LONRF1: variants seen among roughly 807,000 people sequenced by gnomAD.
LONRF1 encodes the protein LON peptidase N-terminal domain and ring finger 1.
In LONRF1, 37 loss-of-function variants were observed where a neutral mutation model predicts 85.8. The ratio of observed to expected loss-of-function variants is 0.43; its 90% CI spans 0.33 to 0.57. The LOEUF is 0.57. LONRF1 is among the 20% of genes least tolerant of loss of function. The pLI, the probability that LONRF1 is intolerant of heterozygous loss-of-function variation, is 0.04. For missense variants in LONRF1, 1,036 were observed against 978.0 expected (o/e 1.06, Z -0.79); for synonymous variants, 517 against 390.1 (o/e 1.33, Z -3.83).
Position 12,755,413 on chromosome 8 carries a change from G to A in LONRF1, c.8C>T (p.Ser3Phe), listed in dbSNP as rs1489752711. 5 of 1,156,212 alleles carry A rather than the reference G, an allele frequency of 4.3e-6. No individual in the cohort carries two copies. In the East Asian group the frequency reaches 1.7e-4, roughly 39 times the overall value. The allele number at this position is 1,156,212 out of a possible 1,614,324, so 71.6% of individuals were successfully genotyped here. Residue 3 changes from serine (S) to phenylalanine (F), a missense_variant, in exon 1 of 12, where the codon TCT (serine) becomes TTT (phenylalanine). This residue lies in a region of LONRF1 where 742 missense variants were observed against 614.4 expected (regional missense o/e 1.21). Transcript: ENST00000398246. MS[S>F]PAVARTSPGG... ...TGGGGAGGTCCTCGCCACCGCCGGAGAGGACATGGCCCGCGGAGGGCTGCG... is the reference window on the plus strand; with the variant it reads ...TGGGGAGGTCCTCGCCACCGCCGGAAAGGACATGGCCCGCGGAGGGCTGCG...
At chr8:12,725,922 C>G (rs549866534) in intron 10 of LONRF1, 43 bp from the exon 11 acceptor site, 1 of 1,567,476 alleles carries the variant, frequency 6.4e-7, no homozygotes, top group South Asian at 1.1e-5. Context: ...TCTAATCCCC[C>G]GTCCATATGC....
At chr8:12,739,010 A>G (rs1798827608) in intron 3 of LONRF1, among the ~76,000 whole-genome samples, 1 of 152,188 alleles carries the variant, frequency 6.6e-6, no homozygotes, top group Non-Finnish European at 1.5e-5. Flanking sequence ...GTAGGTGCTC[A>G]AATACTCCAT....
intron 6 of LONRF1, 34 bp downstream of exon 6, chr8:12,736,667 A>G (rs1335067395): frequency 1.4e-6 from 2 of 1,400,282 alleles, no homozygotes; most frequent in African/African-American, 1.4e-5. Flanking sequence ...ACTAACATAA[A>G]ATATTCATCT....
intron 10 of LONRF1, among the ~76,000 whole-genome samples, chr8:12,728,339 A>G (rs144435512): frequency 6.6e-6 from 1 of 152,318 alleles, no homozygotes; most frequent in Non-Finnish European, 1.5e-5. Context: ...GTACACTGGC[A>G]GTGCTTTCTA....
intron 1 of LONRF1, among the ~76,000 whole-genome samples, chr8:12,744,476 ATAAGAAT>A (rs1241906596): frequency 6.6e-6 from 1 of 152,224 alleles, no homozygotes. Context: ...AACAAAATGC[ATAAGAAT>A]TAAAAGTTCA....
Position 12,737,097 on chromosome 8 carries a change from C to G in LONRF1, c.1157G>C (p.Ser386Thr). 7 of 1,613,540 alleles carry G rather than the reference C, an allele frequency of 4.3e-6. No individual in the cohort carries two copies. Among genetic ancestry groups the G allele is most frequent in the Non-Finnish European group, 5.9e-6 (7 of 1,179,640 alleles). ...PEVTSEPVKG[S>T]LNRAQSAQSI... ...CTGTGCTGACTGAGCACGGTTTAAGCTTCCTTTGACAGGCTCTGAAGTGAC... is the reference window on the plus strand; with the variant it reads ...CTGTGCTGACTGAGCACGGTTTAAGGTTCCTTTGACAGGCTCTGAAGTGAC... The change falls in exon 5 of 12, where the codon AGC becomes ACC. Residue 386 changes from serine (S) to threonine (T), a missense_variant. Coordinates refer to ENST00000398246, the MANE Select transcript of LONRF1 (RefSeq NM_152271.5).
At chr8:12,751,090 G>A (rs758851359) in intron 1 of LONRF1, among the ~76,000 whole-genome samples, 19 of 152,070 alleles carry the variant, frequency 1.2e-4, no homozygotes, top group Admixed American at 1.1e-3. Context: ...CGAGGGCTGC[G>A]TCAGGATTGG....
intron 8 of LONRF1, 99 bp downstream of exon 8, chr8:12,731,637 G>A: frequency 1.0e-6 from 1 of 995,876 alleles, no homozygotes; most frequent in Non-Finnish European, 1.5e-6. Flanking sequence ...TTCTTGACTA[G>A]ACTGAGATGA....
At position 12,754,324 on chromosome 8, in the gene LONRF1, G is replaced by A. The variant is rs538464933; in HGVS notation, c.721+376C>T. 844 of 170,756 alleles carry A rather than the reference G, an allele frequency of 4.9e-3. 4 individuals are homozygous for A. The highest frequency in any genetic ancestry group is 8.6e-3 in the Admixed American group (135 of 15,766). The allele number at this position is 170,756 out of a possible 1,614,324, so 10.6% of individuals were successfully genotyped here. On this transcript the variant is annotated intron_variant, in intron 1 of 11. Coordinates refer to ENST00000398246, the MANE Select transcript of LONRF1 (RefSeq NM_152271.5). ...AGAGCCAATTCCCGGAAAGCGCGCG[G>A]CAGGAAGCGAGCGGCCGCTCGGGAT... is the stretch of plus-strand genomic sequence containing the variant.
intron 2 of LONRF1, among the ~76,000 whole-genome samples, chr8:12,742,417 T>C (rs1157611221): frequency 6.6e-6 from 1 of 152,320 alleles, no homozygotes; most frequent in South Asian, 2.1e-4. Context: ...CCTAAGTCTT[T>C]TTAAAAGCCA....
At chr8:12,752,810 C>T (rs1799461922) in intron 1 of LONRF1, among the ~76,000 whole-genome samples, 1 of 152,204 alleles carries the variant, frequency 6.6e-6, no homozygotes, top group Non-Finnish European at 1.5e-5. Flanking sequence ...AAGGTCAGAT[C>T]ACTAAATCAG....
At chr8:12,754,090 C>A (rs1406522256) in intron 1 of LONRF1, 1 of 152,070 alleles carries the variant, frequency 6.6e-6, no homozygotes, top group African/African-American at 2.4e-5. Flanking sequence ...CGGGCGCCCG[C>A]GCGGAGCTCC....
At chr8:12,754,057 C>A (rs560720774) in intron 1 of LONRF1, 5 of 152,378 alleles carry the variant, frequency 3.3e-5, no homozygotes, top group African/African-American at 9.6e-5. Context: ...CCAAGCCCGG[C>A]GGCCTGCAGG....
In LONRF1 at chr8:12,754,929, G is replaced by A. The variant is rs1280139356; in HGVS notation, c.492C>T (p.Pro164=). The A allele has an allele frequency of 6.7e-6, 10 of 1,489,894 alleles. No homozygotes were observed. The highest frequency in any genetic ancestry group is 2.5e-5 in the South Asian group (2 of 79,182). 92.3% of individuals were successfully genotyped at this position (1,489,894 alleles called of 1,614,324 possible). A position where few individuals can be genotyped will look rare whatever the true frequency, so the allele number is the denominator to read the frequency against. The change falls in exon 1 of 12, where the codon CCC becomes CCT. Residue 164 remains proline, a synonymous_variant. Transcript: ENST00000398246. ...CAGCATCAGTGGCACTGGCGGTGGCGGGCGGCAGCCGGTCCCGGCAGAGGC... is the reference window on the plus strand; with the variant it reads ...CAGCATCAGTGGCACTGGCGGTGGCAGGCGGCAGCCGGTCCCGGCAGAGGC... ...RCRLCRDRLP[P]ATASATDAEG...
chr8:12,754,793 C>G lies in LONRF1; in HGVS notation c.628G>C (p.Glu210Gln). ...LAEKWFPGQR[E>Q]RARAAGRLGE... Reference sequence around the variant, plus strand: ...AGCCTGCCGGCCGCCCGGGCCCGCTCGCGCTGGCCCGGAAACCACTTCTCG... The same window carrying G: ...AGCCTGCCGGCCGCCCGGGCCCGCTGGCGCTGGCCCGGAAACCACTTCTCG... The change falls in exon 1 of 12, where the codon GAG becomes CAG. Residue 210 changes from glutamate (E) to glutamine (Q), a missense_variant. Glu to Gln is a conservative substitution (Grantham distance 29, BLOSUM62 2). Coordinates refer to ENST00000398246, the MANE Select transcript of LONRF1 (RefSeq NM_152271.5). The G allele has an allele frequency of 6.7e-7, 1 of 1,484,994 alleles. No homozygotes were observed. Among genetic ancestry groups the G allele is most frequent in the Non-Finnish European group, 8.9e-7 (1 of 1,124,584 alleles). The allele number at this position is 1,484,994 out of a possible 1,614,324, so 92.0% of individuals were successfully genotyped here.
intron 7 of LONRF1, among the ~76,000 whole-genome samples, chr8:12,732,802 T>C (rs1798577144): frequency 6.6e-6 from 1 of 152,188 alleles, no homozygotes; most frequent in Admixed American, 6.5e-5. Context: ...GCCAGGGACA[T>C]GGTCAGGGTG....
intron 10 of LONRF1, chr8:12,726,080 A>C (rs1014419506): frequency 2.5e-5 from 12 of 472,428 alleles, no homozygotes; most frequent in South Asian, 4.7e-5. Context: ...AAAGACAACA[A>C]GGCCTGACCT....
intron 1 of LONRF1, among the ~76,000 whole-genome samples, chr8:12,743,857 AT>A (rs34055976): frequency 0.85 from 129,500 of 152,040 alleles, 55,447 homozygotes; most frequent in East Asian, 0.94. Flanking sequence ...CAAAAACAGT[AT>A]TGGCCCAATT....
intron 1 of LONRF1, among the ~76,000 whole-genome samples, chr8:12,749,862 A>G (rs1799309365): frequency 6.6e-6 from 1 of 152,206 alleles, no homozygotes; most frequent in Admixed American, 6.5e-5. Flanking sequence ...ATTTGCTGCA[A>G]TTACAAAAGA....
Sources: allele counts gnomAD v4.1 joint callset (sites outside exome capture counted in the v4.1 genomes callset), GRCh38; gene constraint gnomAD v4.1.1; regional missense constraint gnomAD v4.1.1; transcripts MANE v1.5; gene names NCBI Gene and HGNC (gene_info 2026-07-23, HGNC 2026-07-21).